IL23R: variants seen among roughly 807,000 people sequenced by gnomAD.
The protein encoded by IL23R is interleukin-23 receptor.
IL23R carries 34 observed loss-of-function variants against 56.9 expected under a neutral mutation model. The observed-to-expected ratio is 0.60, with a 90% CI of 0.45 to 0.80. IL23R has a LOEUF of 0.80. Ranked by LOEUF, IL23R falls within the 30% of genes least tolerant of loss-of-function variation. IL23R has a pLI of 0.00. For synonymous variants in IL23R, 230 were observed against 249.2 expected (o/e 0.92, Z 0.73); for missense variants, 635 against 730.0 (o/e 0.87, Z 1.50).
At chr1:67,215,984 C>G (rs1649806607) in intron 6 of IL23R, among the ~76,000 whole-genome samples, 1 of 152,200 alleles carries the variant, frequency 6.6e-6, no homozygotes. Flanking sequence ...ATTCCCAAGG[C>G]CTCAGCTACA....
At chr1:67,218,935 A>AG in intron 6 of IL23R, among the ~76,000 whole-genome samples, 1 of 151,388 alleles carries the variant, frequency 6.6e-6, no homozygotes, top group East Asian at 1.9e-4. Context: ...TCTAGAAAAA[A>AG]AATAAAATAA....
intron 6 of IL23R, among the ~76,000 whole-genome samples, chr1:67,218,568 TCTCCACCCCATTAAAAGAGTATATTC>T (rs1478706573): frequency 6.6e-6 from 1 of 150,636 alleles, no homozygotes; most frequent in Non-Finnish European, 1.5e-5. Flanking sequence ...AGCTACCATT[TCTCCACCCCATTAAAAGAGTATATTC>T]CAAAATTAAG....
chr1:67,214,365 A>G, intron 6 of IL23R, among the ~76,000 whole-genome samples: 1 of 152,204 alleles, frequency 6.6e-6, no homozygotes. Flanking sequence ...GTATAAGTTC[A>G]AAAAAATCTG....
At chr1:67,231,643 C>T (rs1306216142) in intron 7 of IL23R, among the ~76,000 whole-genome samples, 1 of 152,090 alleles carries the variant, frequency 6.6e-6, no homozygotes, top group African/African-American at 2.4e-5. Context: ...TGAATAAATA[C>T]AGTAAAACAT....
chr1:67,149,263 G>A (rs1170264759), intron 1 of IL23R, among the ~76,000 whole-genome samples: 1 of 152,146 alleles, frequency 6.6e-6, no homozygotes, highest in Non-Finnish European at 1.5e-5. Context: ...GTGGCAGAAA[G>A]TCTGAAGTGT....
At chr1:67,248,357 T>C (rs977647895) in intron 9 of IL23R, among the ~76,000 whole-genome samples, 2 of 152,208 alleles carry the variant, frequency 1.3e-5, no homozygotes, top group Admixed American at 6.5e-5. Flanking sequence ...CTTTATTTCA[T>C]TGAGTTAATC....
chr1:67,142,566 T>C (rs940904053), intron 1 of IL23R, among the ~76,000 whole-genome samples: 2 of 152,112 alleles, frequency 1.3e-5, no homozygotes, highest in African/African-American at 4.8e-5. Context: ...TTTAAATTTA[T>C]TTATTTTTTA....
chr1:67,229,446 C>T (rs1650953086), intron 7 of IL23R, among the ~76,000 whole-genome samples: 1 of 152,164 alleles, frequency 6.6e-6, no homozygotes, highest in Non-Finnish European at 1.5e-5. Context: ...TCCTGAAGCT[C>T]CTAGAACTTA....
Position 67,169,355 on chromosome 1 carries a change from A to G in IL23R, c.84A>G (p.Ile28Met). 1 of 1,609,160 alleles carries G rather than the reference A, an allele frequency of 6.2e-7. No homozygotes were observed. Among genetic ancestry groups the G allele is most frequent in the East Asian group, 2.2e-5 (1 of 44,852 alleles). The change falls in exon 3 of 11, where the codon ATA becomes ATG. Residue 28 changes from isoleucine (I) to methionine (M), a missense_variant. Physicochemically the swap from Ile to Met is conservative, Grantham distance 10 (BLOSUM62 1). Transcript: ENST00000347310. Reference protein sequence around the residue: ...FSWCHGGITNINCSGHIWVEP... With the variant: ...FSWCHGGITNMNCSGHIWVEP... ...ATTTATTTCTAGGAATTACAAATATAAACTGCTCTGGCCACATCTGGGTAG... is the reference window on the plus strand; with the variant it reads ...ATTTATTTCTAGGAATTACAAATATGAACTGCTCTGGCCACATCTGGGTAG...
intron 4 of IL23R, among the ~76,000 whole-genome samples, chr1:67,184,928 C>G: frequency 6.6e-6 from 1 of 152,134 alleles, no homozygotes; most frequent in South Asian, 2.1e-4. Context: ...AATTATTGCC[C>G]TTCCATAAGA....
chr1:67,144,306 TGCTACTGGGGTCTG>T (rs1646662085), intron 1 of IL23R, among the ~76,000 whole-genome samples: 1 of 152,236 alleles, frequency 6.6e-6, no homozygotes, highest in Non-Finnish European at 1.5e-5. Context: ...TACTTTTCAC[TGCTACTGGGGTCTG>T]ATTTGTCTCT....
intron 1 of IL23R, among the ~76,000 whole-genome samples, chr1:67,140,399 T>A (rs554611696): frequency 6.9e-4 from 105 of 152,284 alleles, no homozygotes; most frequent in Middle Eastern, 3.4e-3. Context: ...TGAAAAAGAA[T>A]GTATGCTGAA....
intron 1 of IL23R, among the ~76,000 whole-genome samples, chr1:67,141,859 A>C (rs1479290676): frequency 6.6e-6 from 1 of 152,032 alleles, no homozygotes; most frequent in Non-Finnish European, 1.5e-5. Context: ...ACCCAAACAG[A>C]GTTAAGCTAC....
At chr1:67,262,063 A>T (rs903176457), downstream of IL23R, among the ~76,000 whole-genome samples, 1 of 152,228 alleles carries the variant, frequency 6.6e-6, no homozygotes, top group African/African-American at 2.4e-5. Flanking sequence ...CAGGGGAAAA[A>T]TTCAAGCTGC....
chr1:67,164,981 G>A (rs1646858359), upstream of IL23R, among the ~76,000 whole-genome samples: 1 of 152,192 alleles, frequency 6.6e-6, no homozygotes, highest in African/African-American at 2.4e-5. Context: ...GCCAAGACTG[G>A]CAGATTGCTT....
At chr1:67,236,051 C>A (rs1273969204) in intron 7 of IL23R, among the ~76,000 whole-genome samples, 2 of 152,178 alleles carry the variant, frequency 1.3e-5, no homozygotes, top group African/African-American at 4.8e-5. Flanking sequence ...ACCAGGACCC[C>A]TTTGAGTTCA....
At chr1:67,211,228 A>G (rs563015785) in intron 6 of IL23R, among the ~76,000 whole-genome samples, 1 of 152,340 alleles carries the variant, frequency 6.6e-6, no homozygotes, top group African/African-American at 2.4e-5. Flanking sequence ...CACAAATACA[A>G]TTCTCAAGTC....
intron 7 of IL23R, among the ~76,000 whole-genome samples, chr1:67,231,231 C>A (rs1651083050): frequency 6.6e-6 from 1 of 152,126 alleles, no homozygotes; most frequent in Non-Finnish European, 1.5e-5. Flanking sequence ...GATGTCTATA[C>A]CCTTTGGCTC....
chr1:67,216,749 A>G (rs142806528), intron 6 of IL23R, among the ~76,000 whole-genome samples: 3 of 152,368 alleles, frequency 2.0e-5, no homozygotes, highest in African/African-American at 7.2e-5. Context: ...CACAAAACCA[A>G]GTATTTATTC....
Sources: allele counts gnomAD v4.1 joint callset (sites outside exome capture counted in the v4.1 genomes callset), GRCh38; gene constraint gnomAD v4.1.1; transcripts MANE v1.5; gene names NCBI Gene and HGNC (gene_info 2026-07-23, HGNC 2026-07-21).